The following LRRN1 variants were observed in gnomAD, a reference collection of about 807,000 sequenced individuals.
The protein encoded by LRRN1 is leucine rich repeat neuronal 1.
Under a neutral mutation model 45.8 loss-of-function variants are expected in LRRN1, and 14 were observed. That is an observed-to-expected ratio of 0.31 (90% CI 0.20 to 0.48). The LOEUF (loss-of-function observed/expected upper bound fraction) is 0.48. Ranked by LOEUF, LRRN1 falls within the 20% of genes least tolerant of loss-of-function variation. The pLI, the probability that LRRN1 is intolerant of heterozygous loss-of-function variation, is 0.99. For synonymous variants in LRRN1, 359 were observed against 330.1 expected, an observed-to-expected ratio of 1.09 and a Z score of -0.95; for missense variants, 789 against 874.2, an observed-to-expected ratio of 0.90 and a Z score of 1.23.
chr3:3,843,571 C>G (rs1559310620), intron 1 of LRRN1, among the ~76,000 whole-genome samples: 1 of 150,748 alleles, frequency 6.6e-6, no homozygotes, highest in African/African-American at 2.5e-5. Context: ...CCCACTGTAC[C>G]CCCCCCCATA....
At chr3:3,837,282 A>C (rs990110171) in intron 1 of LRRN1, among the ~76,000 whole-genome samples, 1 of 152,030 alleles carries the variant, frequency 6.6e-6, no homozygotes, top group Admixed American at 6.6e-5. Context: ...AAGACTACAT[A>C]CTAAGTCCTT....
chr3:3,816,381 C>G lies in LRRN1; in HGVS notation c.-279+16462C>G, dbSNP rs907440336. ...CTACAATAAGAAACTCTTTCAAATT[C>G]AGGGATGTAACTTTCACCTGATTTT... On this transcript the variant is annotated intron_variant, in intron 1 of 1. Transcript: ENST00000319331. This position sits in a 1 kb window ranked among gnomAD's most constrained non-coding sequence, Gnocchi z 4.0. Among the ~76,000 whole-genome samples, 2 of 152,088 alleles carry G rather than the reference C, an allele frequency of 1.3e-5. No homozygotes were observed. The highest frequency in any genetic ancestry group is 4.8e-5 in the African/African-American group (2 of 41,398).
intron 1 of LRRN1, among the ~76,000 whole-genome samples, chr3:3,828,982 CTT>C (rs1693299701): frequency 7.5e-6 from 1 of 133,120 alleles, no homozygotes; most frequent in Non-Finnish European, 1.5e-5. Flanking sequence ...GTTGTGTTTT[CTT>C]TTCTTTCTTT....
At chr3:3,841,441 G>T (rs1440388236) in intron 1 of LRRN1, among the ~76,000 whole-genome samples, 2 of 152,134 alleles carry the variant, frequency 1.3e-5, no homozygotes, top group African/African-American at 4.8e-5. Context: ...CCTGTTTCAA[G>T]ATTACTCTAA....
At position 3,799,938 on chromosome 3, in the gene LRRN1, G is replaced by A. The variant is rs1692607853; in HGVS notation, c.-279+19G>A. 6.5e-6 allele frequency: 1 copy of A among 154,470 alleles called. No individual in the cohort carries two copies. The highest frequency in any genetic ancestry group is 1.7e-4 in the South Asian group (1 of 5,776). 9.6% of individuals were successfully genotyped at this position (154,470 alleles called of 1,614,324 possible). A position where few individuals can be genotyped will look rare whatever the true frequency, so the allele number is the denominator to read the frequency against. On this transcript the variant is annotated intron_variant, in intron 1 of 1. Coordinates refer to ENST00000319331, the MANE Select transcript of LRRN1 (RefSeq NM_020873.7). Reference sequence around the variant, plus strand: ...CCTCGGGGTAAGTCCCTGGCCGGCCGCGCCGCGGCAGGAGGTGTGGGAGGC... The same window carrying A: ...CCTCGGGGTAAGTCCCTGGCCGGCCACGCCGCGGCAGGAGGTGTGGGAGGC...
intron 1 of LRRN1, among the ~76,000 whole-genome samples, chr3:3,823,120 T>A (rs932609866): frequency 6.6e-6 from 1 of 152,018 alleles, no homozygotes; most frequent in South Asian, 2.1e-4. Context: ...TTGGGAAAAA[T>A]CGGTGTTGGC....
At chr3:3,806,465 G>C (rs1021754423) in intron 1 of LRRN1, among the ~76,000 whole-genome samples, 1 of 152,194 alleles carries the variant, frequency 6.6e-6, no homozygotes, top group Non-Finnish European at 1.5e-5. Context: ...ACATAAGGGG[G>C]TTGGATGGTT....
intron 1 of LRRN1, among the ~76,000 whole-genome samples, chr3:3,835,219 C>A (rs1248850493): frequency 6.6e-6 from 1 of 152,130 alleles, no homozygotes; most frequent in African/African-American, 2.4e-5. Flanking sequence ...ATACACCTAA[C>A]CTACCAAACA....
chr3:3,826,920 C>A (rs1313572554), intron 1 of LRRN1, among the ~76,000 whole-genome samples: 1 of 152,118 alleles, frequency 6.6e-6, no homozygotes, highest in African/African-American at 2.4e-5. Context: ...TTTGACCCCC[C>A]TGTACTGGCT....
Position 3,843,574 on chromosome 3 carries a change from C to CG in LRRN1, c.-278-790_-278-789insG, listed in dbSNP as rs1183916069. On this transcript the variant is annotated intron_variant, in intron 1 of 1. Coordinates refer to ENST00000319331, the MANE Select transcript of LRRN1 (RefSeq NM_020873.7). ...TTTAGCACCCTTCCCACTGTACCCC[C>CG]CCCCATACCCCTGGCCATAGGCAAC... Among the ~76,000 whole-genome samples, 9 of 151,584 alleles carry CG rather than the reference C, an allele frequency of 5.9e-5. No homozygotes were observed. In the South Asian group the frequency reaches 1.3e-3, roughly 21 times the overall value.
intron 1 of LRRN1, among the ~76,000 whole-genome samples, chr3:3,836,624 G>C (rs2106467169): frequency 6.6e-6 from 1 of 152,224 alleles, no homozygotes; most frequent in Middle Eastern, 3.4e-3. Context: ...ATCACGGCCT[G>C]TGCTTCCAAT....
chr3:3,844,744 C>T lies in LRRN1; in HGVS notation c.103C>T (p.Leu35Phe). Residue 35 changes from leucine to phenylalanine, a missense_variant, in exon 2 of 2, where the codon CTT becomes TTT. Leu to Phe is a conservative substitution (Grantham distance 22). Coordinates refer to ENST00000319331, the MANE Select transcript of LRRN1 (RefSeq NM_020873.7). ...CATACAGAATAGTGAGTGTCCACAA[C>T]TTTGCGTATGTGAAATTCGTCCCTG... ...SSIQNSECPQ[L>F]CVCEIRPWFT... 1.2e-6 allele frequency: 2 copies of T among 1,614,158 alleles called. No individual in the cohort carries two copies. The highest frequency in any genetic ancestry group is 2.2e-5 in the South Asian group (2 of 91,084).
At chr3:3,834,468 T>TA (rs1005436868) in intron 1 of LRRN1, among the ~76,000 whole-genome samples, 4 of 129,118 alleles carry the variant, frequency 3.1e-5, no homozygotes, top group African/African-American at 1.1e-4. Flanking sequence ...TCTGTTCCTT[T>TA]AGAACCACTC....
chr3:3,846,202 C>A lies in LRRN1; in HGVS notation c.1561C>A (p.Leu521Met). Reference protein sequence around the residue: ...VATIKVNGTLLDGTQVLKIYV... With the variant: ...VATIKVNGTLMDGTQVLKIYV... ...AACAATTAAGGTTAATGGGACCCTT[C>A]TGGATGGTACCCAGGTGCTAAAAAT... is the stretch of plus-strand genomic sequence containing the variant. Residue 521 changes from leucine to methionine, a missense_variant, in exon 2 of 2, where the codon CTG (leucine) becomes ATG (methionine). Physicochemically the swap from Leu to Met is conservative, Grantham distance 15 (BLOSUM62 2). Transcript: ENST00000319331. The surrounding 1 kb of genome is among the most constrained non-coding windows in gnomAD (Gnocchi z 5.7). 1 of 1,614,122 alleles carries A rather than the reference C, an allele frequency of 6.2e-7. No individual in the cohort carries two copies. Among genetic ancestry groups the A allele is most frequent in the Non-Finnish European group, 8.5e-7 (1 of 1,180,010 alleles).
chr3:3,807,464 T>A (rs1050220582), intron 1 of LRRN1, among the ~76,000 whole-genome samples: 2 of 152,178 alleles, frequency 1.3e-5, no homozygotes, highest in Admixed American at 1.3e-4. Context: ...ACATCACACA[T>A]ATAGAGCAGG....
chr3:3,810,742 A>T (rs951408474), intron 1 of LRRN1, among the ~76,000 whole-genome samples: 1 of 152,224 alleles, frequency 6.6e-6, no homozygotes, highest in African/African-American at 2.4e-5. Context: ...AAAAAGAGAC[A>T]GTCACCAGGC....
chr3:3,840,122 T>C (rs143550569), intron 1 of LRRN1, among the ~76,000 whole-genome samples: 1 of 152,308 alleles, frequency 6.6e-6, no homozygotes, highest in Non-Finnish European at 1.5e-5. Flanking sequence ...TTTTCATATG[T>C]GACTTTTATT....
At position 3,846,702 on chromosome 3, in the gene LRRN1, C is replaced by G; in HGVS notation, c.2061C>G (p.Leu687=). Residue 687 remains leucine (L), a synonymous_variant, in exon 2 of 2, where the codon CTC becomes CTG. Transcript: ENST00000319331. The surrounding 1 kb of genome is among the most constrained non-coding windows in gnomAD (Gnocchi z 5.7). ...AGCTGTACCCACCACTCATTAACCT[C>G]TGGGAAGGTGACAGCGAGAAAGACA... The part of the protein sequence containing the change: ...LNELYPPLIN[L]WEGDSEKDKD... The G allele has an allele frequency of 1.2e-6, 2 of 1,614,006 alleles. No homozygotes were observed. The highest frequency in any genetic ancestry group is 1.1e-5 in the South Asian group (1 of 91,086).
chr3:3,846,206 A>G lies in LRRN1; in HGVS notation c.1565A>G (p.Asp522Gly). The change falls in exon 2 of 2, where the codon GAT (aspartate) becomes GGT (glycine). Residue 522 changes from aspartate to glycine, a missense_variant. By Grantham distance (94) the Asp-to-Gly change is moderately conservative. Coordinates refer to ENST00000319331, the MANE Select transcript of LRRN1 (RefSeq NM_020873.7). The surrounding 1 kb of genome is among the most constrained non-coding windows in gnomAD (Gnocchi z 5.7). ...ATTAAGGTTAATGGGACCCTTCTGG[A>G]TGGTACCCAGGTGCTAAAAATATAC... ...ATIKVNGTLL[D>G]GTQVLKIYVK... 6.2e-7 allele frequency: 1 copy of G among 1,614,120 alleles called. No homozygotes were observed. The highest frequency in any genetic ancestry group is 8.5e-7 in the Non-Finnish European group (1 of 1,180,024).
Sources: allele counts gnomAD v4.1 joint callset (sites outside exome capture counted in the v4.1 genomes callset), GRCh38; gene constraint gnomAD v4.1.1; non-coding constraint Gnocchi (gnomAD v3.1); transcripts MANE v1.5; gene names NCBI Gene and HGNC (gene_info 2026-07-23, HGNC 2026-07-21).